Variants in VPS13A observed in about 807,000 individuals in gnomAD.
VPS13A encodes the protein intermembrane lipid transfer protein VPS13A.
In VPS13A, 264 loss-of-function variants were observed where a neutral mutation model predicts 390.9. The observed-to-expected ratio is 0.68, with a 90% CI of 0.61 to 0.75. The LOEUF (loss-of-function observed/expected upper bound fraction) is 0.75. Among genes scored for constraint, VPS13A ranks in the 30% least tolerant of loss-of-function variants. The probability of loss-of-function intolerance (pLI) is 0.00; values close to 1 mark genes in which losing one functional copy is unlikely to be tolerated. For missense variants in VPS13A, 3,409 were observed against 3,733.9 expected, an observed-to-expected ratio of 0.91 and a Z score of 2.27; for synonymous variants, 1,231 against 1,227.1, an observed-to-expected ratio of 1.00 and a Z score of -0.07.
chr9:77,232,191 G>A (rs1823868739), intron 17 of VPS13A, among the ~76,000 whole-genome samples: 1 of 152,018 alleles, frequency 6.6e-6, no homozygotes, highest in Non-Finnish European at 1.5e-5. Context: ...TTTGAAATTG[G>A]GAAGTGTCTT....
rs547380229 is a variant in VPS13A at position 77,416,818 on chromosome 9, C to T, written c.*812C>T. The T allele has an allele frequency of 9.2e-5, 14 of 152,692 alleles. No individual in the cohort carries two copies. Among genetic ancestry groups the T allele is most frequent in the African/African-American group, 2.9e-4 (12 of 41,552 alleles). The allele number at this position is 152,692 out of a possible 1,614,324, so 9.5% of individuals were successfully genotyped here. A position where few individuals can be genotyped will look rare whatever the true frequency, so the allele number is the denominator to read the frequency against. Reference sequence around the variant, plus strand: ...GAGAATTTTTAAAGCCTTAACAATGCCTACTTTCCATTCACTGTTAACATG... The same window carrying T: ...GAGAATTTTTAAAGCCTTAACAATGTCTACTTTCCATTCACTGTTAACATG... On this transcript the variant is annotated 3_prime_UTR_variant, in exon 72 of 72. Transcript: ENST00000360280.
intron 1 of VPS13A, among the ~76,000 whole-genome samples, chr9:77,195,691 C>T (rs1180489755): frequency 7.9e-5 from 12 of 152,016 alleles, no homozygotes; most frequent in Non-Finnish European, 1.0e-4. Context: ...GAGCTGAGAT[C>T]GTGCCACTGC....
intron 34 of VPS13A, 57 bp downstream of exon 34, chr9:77,303,119 G>A: frequency 5.1e-6 from 8 of 1,573,520 alleles, no homozygotes; most frequent in Non-Finnish European, 7.0e-6. Context: ...AATACTGCTT[G>A]GGGACATAAG....
chr9:77,240,478 G>T (rs1014321131), intron 19 of VPS13A, among the ~76,000 whole-genome samples: 147 of 126,024 alleles, frequency 1.2e-3, no homozygotes, highest in South Asian at 7.9e-3. Flanking sequence ...TTATGTTTTT[G>T]TTTTTTTTTT....
chr9:77,380,222 C>T (rs1173493753), intron 67 of VPS13A, among the ~76,000 whole-genome samples: 1 of 151,990 alleles, frequency 6.6e-6, no homozygotes, highest in African/African-American at 2.4e-5. Flanking sequence ...TAGTTGCAAC[C>T]AGTTTGTGTC....
At chr9:77,276,598 T>C (rs1826684547) in intron 26 of VPS13A, among the ~76,000 whole-genome samples, 1 of 152,236 alleles carries the variant, frequency 6.6e-6, no homozygotes, top group Admixed American at 6.5e-5. Context: ...CAAGTCTCAC[T>C]GGGCAAAACT....
intron 67 of VPS13A, among the ~76,000 whole-genome samples, chr9:77,381,405 A>C (rs1833428527): frequency 6.6e-6 from 1 of 152,228 alleles, no homozygotes; most frequent in African/African-American, 2.4e-5. Context: ...AGAAAACTAT[A>C]TAATGTGATT....
intron 1 of VPS13A, among the ~76,000 whole-genome samples, chr9:77,199,548 G>T (rs1012598529): frequency 2.6e-5 from 4 of 151,702 alleles, no homozygotes; most frequent in Admixed American, 6.6e-5. Context: ...TTTTATTTAC[G>T]TATCTTGGGG....
Position 77,321,590 on chromosome 9 carries a change from C to T in VPS13A, c.5674C>T (p.Pro1892Ser). The change falls in exon 44 of 72, where the codon CCA becomes TCA. Residue 1892 changes from proline to serine, a missense_variant. By Grantham distance (74) the Pro-to-Ser change is moderately conservative. Around this residue, in one of 5 missense-constraint regions of VPS13A, gnomAD observed 2,717 missense variants for 2,917.4 expected, o/e 0.93. Transcript: ENST00000360280. ...CCTTGGACTTACTATTTCTGTTTCG[C>T]CAAGTGATTCTTTTAGTGTACTCAA... ...NSLGLTISVSPSDSFSVLNIP... is the reference protein window; with the variant it reads ...NSLGLTISVSSSDSFSVLNIP... 6.2e-7 allele frequency: 1 copy of T among 1,613,408 alleles called. No individual in the cohort carries two copies. The highest frequency in any genetic ancestry group is 8.5e-7 in the Non-Finnish European group (1 of 1,179,638).
intron 34 of VPS13A, among the ~76,000 whole-genome samples, chr9:77,306,402 GTGTGTGTGTGTT>G (rs957856993): frequency 9.1e-5 from 11 of 121,534 alleles, no homozygotes; most frequent in African/African-American, 3.4e-4. Flanking sequence ...GAGAGAGAGA[GTGTGTGTGTGTT>G]TGTGTGTGTG....
At position 77,410,881 on chromosome 9, in the gene VPS13A, C is replaced by T. The variant is rs924228659; in HGVS notation, c.9474+3274C>T. Among the ~76,000 whole-genome samples, 40 of 151,654 alleles carry T rather than the reference C, an allele frequency of 2.6e-4. 1 individual carries two copies. The highest frequency in any genetic ancestry group is 2.1e-4 in the South Asian group (1 of 4,798). On this transcript the variant is annotated intron_variant, in intron 71 of 71. Coordinates refer to ENST00000360280, the MANE Select transcript of VPS13A (RefSeq NM_033305.3). ...CACCCCACTGTCAACATTAGATCAA[C>T]GAGACAAAGTTAACAAGGATATCCA...
chr9:77,226,686 A>T (rs1823537042), intron 15 of VPS13A, 88 bp downstream of exon 15: 7 of 1,184,290 alleles, frequency 5.9e-6, no homozygotes, highest in Non-Finnish European at 8.2e-6. Flanking sequence ...GTAAATAGAC[A>T]TTGAAATATA....
At chr9:77,257,896 G>T (rs568134032) in intron 22 of VPS13A, among the ~76,000 whole-genome samples, 3 of 152,164 alleles carry the variant, frequency 2.0e-5, no homozygotes, top group East Asian at 3.9e-4. Flanking sequence ...CATTAACAAA[G>T]AATTGTAATT....
At chr9:77,328,754 G>A (rs1388005931) in intron 45 of VPS13A, among the ~76,000 whole-genome samples, 1 of 152,134 alleles carries the variant, frequency 6.6e-6, no homozygotes, top group African/African-American at 2.4e-5. Context: ...TCATACAATT[G>A]AAGAGAGTTA....
At chr9:77,313,191 T>C (rs1474116352) in intron 35 of VPS13A, among the ~76,000 whole-genome samples, 2 of 152,192 alleles carry the variant, frequency 1.3e-5, no homozygotes, top group African/African-American at 4.8e-5. Context: ...TATTACTCCA[T>C]TTATATGGAA....
At chr9:77,245,572 A>G (rs1159071877) in intron 19 of VPS13A, among the ~76,000 whole-genome samples, 6 of 152,040 alleles carry the variant, frequency 3.9e-5, no homozygotes, top group Non-Finnish European at 1.5e-5. Flanking sequence ...ATCTCACCTC[A>G]CCTTCCATCC....
In VPS13A at chr9:77,382,441, T is replaced by A. The variant is rs560135800; in HGVS notation, c.9189+354T>A. 7.2e-6 allele frequency: 10 copies of A among 1,396,674 alleles called. No individual in the cohort carries two copies. In the African/African-American group the frequency reaches 1.3e-4, roughly 19 times the overall value. The allele number at this position is 1,396,674 out of a possible 1,614,324, so 86.5% of individuals were successfully genotyped here. ...AACTTTTAATAGGAATTTTAATGAATCTGGTTTTTTTATAGGGTGTTCTTA... is the reference window on the plus strand; with the variant it reads ...AACTTTTAATAGGAATTTTAATGAAACTGGTTTTTTTATAGGGTGTTCTTA... On this transcript the variant is annotated intron_variant, in intron 68 of 71. Coordinates refer to ENST00000360280, the MANE Select transcript of VPS13A (RefSeq NM_033305.3).
intron 34 of VPS13A, among the ~76,000 whole-genome samples, chr9:77,304,227 A>C (rs1828575478): frequency 6.6e-6 from 1 of 152,212 alleles, no homozygotes; most frequent in African/African-American, 2.4e-5. Flanking sequence ...CACGTCCTGC[A>C]CAGCCCTAGA....
intron 71 of VPS13A, among the ~76,000 whole-genome samples, chr9:77,410,090 T>G (rs1834844538): frequency 6.6e-6 from 1 of 152,170 alleles, no homozygotes; most frequent in African/African-American, 2.4e-5. Flanking sequence ...GACTAATAGC[T>G]GATCTCTCAG....
Sources: allele counts gnomAD v4.1 joint callset (sites outside exome capture counted in the v4.1 genomes callset), GRCh38; gene constraint gnomAD v4.1.1; regional missense constraint gnomAD v4.1.1; transcripts MANE v1.5; gene names NCBI Gene and HGNC (gene_info 2026-07-23, HGNC 2026-07-21).